Variants in SH3GL2 observed in about 807,000 individuals in gnomAD.
SH3GL2 encodes SH3 domain containing GRB2 like 2, endophilin A1, also known as endophilin-A1.
SH3GL2 carries 24 observed loss-of-function variants against 46.0 expected under a neutral mutation model. That is an observed-to-expected ratio of 0.52 (90% confidence interval 0.38 to 0.73). The LOEUF (loss-of-function observed/expected upper bound fraction) is 0.73. Among genes scored for constraint, SH3GL2 ranks in the 30% least tolerant of loss-of-function variants. The pLI, the probability that SH3GL2 is intolerant of heterozygous loss-of-function variation, is 0.00. For missense variants in SH3GL2, 413 were observed against 424.2 expected (o/e 0.97, Z 0.23); for synonymous variants, 196 against 147.1 (o/e 1.33, Z -2.40).
intron 1 of SH3GL2, among the ~76,000 whole-genome samples, chr9:17,673,958 T>A (rs976635262): frequency 1.3e-5 from 2 of 152,182 alleles, no homozygotes; most frequent in African/African-American, 4.8e-5. Context: ...GCCCACTTTA[T>A]TGAATTCATC....
intron 7 of SH3GL2, among the ~76,000 whole-genome samples, 175 bp downstream of exon 7, chr9:17,791,509 G>T (rs1329982686): frequency 6.6e-6 from 1 of 152,262 alleles, no homozygotes; most frequent in African/African-American, 2.4e-5. Context: ...TTTGTTTTAC[G>T]TTGTTCTGTT....
At chr9:17,611,409 CTT>C (rs977080388) in intron 1 of SH3GL2, among the ~76,000 whole-genome samples, 15 of 151,996 alleles carry the variant, frequency 9.9e-5, no homozygotes, top group African/African-American at 3.6e-4. Flanking sequence ...TTCACTTATC[CTT>C]GGGGCATTAC....
At chr9:17,599,025 A>G (rs1407115073) in intron 1 of SH3GL2, among the ~76,000 whole-genome samples, 3 of 152,224 alleles carry the variant, frequency 2.0e-5, no homozygotes, top group Admixed American at 2.0e-4. Context: ...GATTTGGTAT[A>G]CAATAAAGGC....
At chr9:17,753,351 C>A (rs1366290658) in intron 2 of SH3GL2, among the ~76,000 whole-genome samples, 1 of 152,124 alleles carries the variant, frequency 6.6e-6, no homozygotes, top group South Asian at 2.1e-4. Flanking sequence ...CCTTTTTCTC[C>A]ACAACCTTGT....
In SH3GL2 at chr9:17,697,840, G is replaced by A. The variant is rs561018041; in HGVS notation, c.46-49226G>A. On this transcript the variant is annotated intron_variant, in intron 1 of 8. Transcript: ENST00000380607. ...TCCCTGATGACTTGGCCTGTGTTGC[G>A]CCTACTAAATTCTTCTTGTCTTCTC... Among the ~76,000 whole-genome samples, 31 of 152,224 alleles carry A rather than the reference G, an allele frequency of 2.0e-4. No individual in the cohort carries two copies. In the South Asian group the frequency reaches 2.3e-3, roughly 11 times the overall value.
intron 1 of SH3GL2, among the ~76,000 whole-genome samples, chr9:17,671,058 C>T (rs539332038): frequency 2.0e-5 from 3 of 152,174 alleles, no homozygotes; most frequent in African/African-American, 7.2e-5. Flanking sequence ...ATTGCTGGGT[C>T]TTATGATTGA....
intron 1 of SH3GL2, among the ~76,000 whole-genome samples, chr9:17,604,979 T>G (rs1588167685): frequency 6.4e-5 from 1 of 15,600 alleles, no homozygotes; most frequent in Admixed American, 1.6e-3. Flanking sequence ...CACAAGTCAT[T>G]TTTTTTTTTT....
At chr9:17,773,329 G>A (rs1470413429) in intron 3 of SH3GL2, among the ~76,000 whole-genome samples, 5 of 152,064 alleles carry the variant, frequency 3.3e-5, no homozygotes, top group Non-Finnish European at 5.9e-5. Context: ...GTCCAATTGT[G>A]TAATTTTTTT....
chr9:17,763,362 G>A (rs139970579), intron 3 of SH3GL2, among the ~76,000 whole-genome samples: 1 of 152,162 alleles, frequency 6.6e-6, no homozygotes, highest in Admixed American at 6.5e-5. Flanking sequence ...GCAGATGTAA[G>A]TAGTGATGTA....
chr9:17,783,753 A>G (rs911473832), intron 3 of SH3GL2, among the ~76,000 whole-genome samples: 1 of 152,104 alleles, frequency 6.6e-6, no homozygotes, highest in Non-Finnish European at 1.5e-5. Context: ...AATTCACCCA[A>G]TACATTTCCT....
chr9:17,732,664 T>C (rs1234353923), intron 1 of SH3GL2, among the ~76,000 whole-genome samples: 2 of 152,090 alleles, frequency 1.3e-5, no homozygotes, highest in Non-Finnish European at 1.5e-5. Flanking sequence ...ATTGGCCTAG[T>C]GATAATATGA....
intron 1 of SH3GL2, among the ~76,000 whole-genome samples, chr9:17,579,926 G>C (rs1017140860): frequency 6.6e-6 from 1 of 152,142 alleles, no homozygotes; most frequent in African/African-American, 2.4e-5. Context: ...ACAGTCTGCG[G>C]GTCTTAAATA....
chr9:17,589,920 G>C (rs1818449649), intron 1 of SH3GL2: 1 of 152,116 alleles, frequency 6.6e-6, no homozygotes, highest in Non-Finnish European at 1.5e-5. Context: ...TGGTTTTCTA[G>C]GTACATCTGG....
At chr9:17,592,580 G>C (rs529902593) in intron 1 of SH3GL2, among the ~76,000 whole-genome samples, 1 of 152,314 alleles carries the variant, frequency 6.6e-6, no homozygotes, top group East Asian at 1.9e-4. Flanking sequence ...GAGATTAACA[G>C]ATAAGTAGTA....
intron 1 of SH3GL2, among the ~76,000 whole-genome samples, chr9:17,663,560 G>T (rs932960048): frequency 6.6e-6 from 1 of 152,138 alleles, no homozygotes; most frequent in African/African-American, 2.4e-5. Flanking sequence ...ACCACTCAGG[G>T]TTCTGAAATA....
At chr9:17,793,632 C>G (rs996877946) in intron 8 of SH3GL2, 135 bp downstream of exon 8, 49 of 773,634 alleles carry the variant, frequency 6.3e-5, no homozygotes, top group Non-Finnish European at 6.9e-5. Flanking sequence ...AGTCAGTTGT[C>G]AGGTAGAAAC....
At chr9:17,690,849 T>G (rs1167118048) in intron 1 of SH3GL2, among the ~76,000 whole-genome samples, 1 of 152,108 alleles carries the variant, frequency 6.6e-6, no homozygotes, top group Non-Finnish European at 1.5e-5. Flanking sequence ...GCCAGGGAAT[T>G]TGTTCATGAA....
At chr9:17,717,033 T>C (rs1449296311) in intron 1 of SH3GL2, among the ~76,000 whole-genome samples, 1 of 152,152 alleles carries the variant, frequency 6.6e-6, no homozygotes, top group Admixed American at 6.5e-5. Flanking sequence ...GGCCTGCTTT[T>C]TATTTCGTCA....
intron 1 of SH3GL2, among the ~76,000 whole-genome samples, chr9:17,704,630 C>T (rs1340501025): frequency 6.6e-6 from 1 of 151,998 alleles, no homozygotes; most frequent in Non-Finnish European, 1.5e-5. Flanking sequence ...TAAAGCCACA[C>T]ACTTAACAAC....
Sources: allele counts gnomAD v4.1 joint callset (sites outside exome capture counted in the v4.1 genomes callset), GRCh38; gene constraint gnomAD v4.1.1; transcripts MANE v1.5; gene names NCBI Gene and HGNC (gene_info 2026-07-23, HGNC 2026-07-21).